Variants in ZNF114 observed in about 807,000 individuals in gnomAD.
ZNF114 encodes zinc finger protein 114, also known as zinc finger protein 114 (Y18).
ZNF114 carries 8 observed loss-of-function variants against 6.8 expected under a neutral mutation model. The ratio of observed to expected loss-of-function variants is 1.18; its 90% CI spans 0.69 to 2.13. The LOEUF is 2.13. Ranked by LOEUF, ZNF114 falls within the 30% of genes most tolerant of loss-of-function variation. The pLI is 0.00. For synonymous variants in ZNF114, 169 were observed against 185.5 expected, an observed-to-expected ratio of 0.91 and a Z score of 0.72; for missense variants, 472 against 519.5, an observed-to-expected ratio of 0.91 and a Z score of 0.89.
intron 3 of ZNF114, among the ~76,000 whole-genome samples, chr19:48,275,158 G>A (rs956661677): frequency 6.9e-6 from 1 of 143,944 alleles, no homozygotes; most frequent in African/African-American, 2.6e-5. Flanking sequence ...GAAAGAAAGA[G>A]AGAAAGAGAG....
chr19:48,272,169 C>G (rs8106084), intron 3 of ZNF114, among the ~76,000 whole-genome samples: 114,548 of 152,028 alleles, frequency 0.75, 43,364 homozygotes, highest in Middle Eastern at 0.8. Context: ...CCAGCATTTT[C>G]GAAGGCCGAG....
In ZNF114 at chr19:48,271,249, G is replaced by C. The variant is rs1366199187; in HGVS notation, c.-372G>C. On this transcript the variant is annotated 5_prime_UTR_variant, in exon 2 of 6. Coordinates refer to ENST00000595607, the MANE Select transcript of ZNF114 (RefSeq NM_153608.4). ...TCTGTTTCCGCCCTTTTACAGTACT[G>C]AGGGGAAAAAAAAGCCTTCTTTCCT... 6.6e-6 allele frequency: 1 copy of C among 152,158 alleles called. No homozygotes were observed. Among genetic ancestry groups the C allele is most frequent in the Non-Finnish European group, 1.5e-5 (1 of 68,076 alleles). 9.4% of individuals were successfully genotyped at this position (152,158 alleles called of 1,614,324 possible). A position where few individuals can be genotyped will look rare whatever the true frequency, so the allele number is the denominator to read the frequency against.
chr19:48,280,898 G>GC (rs1967970431), intron 4 of ZNF114, among the ~76,000 whole-genome samples: 1 of 152,136 alleles, frequency 6.6e-6, no homozygotes, highest in South Asian at 2.1e-4. Flanking sequence ...TGTTATAACA[G>GC]CCTGAACAGG....
intron 4 of ZNF114, among the ~76,000 whole-genome samples, chr19:48,280,212 C>T (rs577489253): frequency 3.3e-5 from 5 of 151,912 alleles, no homozygotes; most frequent in East Asian, 3.9e-4. Context: ...GCAAGACCAC[C>T]GTCTCTATAA....
In ZNF114 at chr19:48,282,330, ACAGGACACCCCTCCGAGC is replaced by A. The variant is rs1568993701; in HGVS notation, c.10-38_10-21del. The A allele has an allele frequency of 1.9e-6, 3 of 1,609,386 alleles. No individual in the cohort carries two copies. The South Asian group carries it at 3.3e-5, about 18-fold the overall frequency. On this transcript the variant is annotated intron_variant, in intron 4 of 5. Transcript: ENST00000595607. The stretch of plus-strand genomic sequence containing the variant: ...AAAGGGGTCACAGTTCAAACTGATA[ACAGGACACCCCTCCGAGC>A]CAAACTGCATGTGTTATTTTAGGAC...
At chr19:48,273,757 C>CT (rs779316334) in intron 3 of ZNF114, among the ~76,000 whole-genome samples, 35,174 of 127,074 alleles carry the variant, frequency 0.28, 5,336 homozygotes, top group East Asian at 0.46. Context: ...TGGGGCTTTT[C>CT]TTTTTTTTTT....
chr19:48,286,316 G>T lies in ZNF114; in HGVS notation c.692G>T (p.Arg231Leu). The change falls in exon 6 of 6, where the codon CGT becomes CTT. Residue 231 changes from arginine (R) to leucine (L), a missense_variant. Arg to Leu is a moderately radical substitution (Grantham distance 102, BLOSUM62 -2). Coordinates refer to ENST00000595607, the MANE Select transcript of ZNF114 (RefSeq NM_153608.4). ...CGGAATCCATTTGGAAAAGCTTTCC[G>T]TGAAGACGGATCCCTTAGGGCACAC... ...HQRNPFGKAF[R>L]EDGSLRAHNT... 1 of 1,614,200 alleles carries T rather than the reference G, an allele frequency of 6.2e-7. No individual in the cohort carries two copies. The highest frequency in any genetic ancestry group is 8.5e-7 in the Non-Finnish European group (1 of 1,180,042).
At chr19:48,275,419 A>AACAC (rs58275965) in intron 3 of ZNF114, among the ~76,000 whole-genome samples, 6,542 of 133,068 alleles carry the variant, frequency 0.049, 169 homozygotes, top group African/African-American at 0.066. Flanking sequence ...TCTCTACTAA[A>AACAC]ACACACACAC....
intron 1 of ZNF114, 110 bp downstream of exon 1, chr19:48,270,329 C>T (rs56039809): frequency 0.17 from 25,344 of 148,314 alleles, 2,455 homozygotes; most frequent in South Asian, 0.22. Context: ...TCGCTTGAGG[C>T]TGCAGTGAGC....
At position 48,286,864 on chromosome 19, in the gene ZNF114, A is replaced by G; in HGVS notation, c.1240A>G (p.Lys414Glu). 6.4e-7 allele frequency: 1 copy of G among 1,560,262 alleles called. No individual in the cohort carries two copies. The highest frequency in any genetic ancestry group is 8.6e-7 in the Non-Finnish European group (1 of 1,160,152). Reference protein sequence around the residue: ...KKHLKTHKDEKPCE With the variant: ...KKHLKTHKDEEPCE The stretch of plus-strand genomic sequence containing the variant: ...ACATCTTAAGACTCACAAAGATGAG[A>G]AGCCCTGTGAATGAAAGGAAGGTGG... The change falls in exon 6 of 6, where the codon AAG becomes GAG. Residue 414 changes from lysine (K) to glutamate (E), a missense_variant. Physicochemically the swap from Lys to Glu is moderately conservative, Grantham distance 56 (BLOSUM62 1). Transcript: ENST00000595607.
At position 48,283,921 on chromosome 19, in the gene ZNF114, A is replaced by G. The variant is rs565446679; in HGVS notation, c.136+1424A>G. On this transcript the variant is annotated intron_variant, in intron 5 of 5. Transcript: ENST00000595607. The stretch of plus-strand genomic sequence containing the variant: ...GCTAATTTTTGTATTTTTAGTAGAG[A>G]CGGGGTTTCACTGTGTTGGCCAGGC... Among the ~76,000 whole-genome samples the G allele has an allele frequency of 1.3e-3, 205 of 152,072 alleles. 3 individuals are homozygous for G. The highest frequency in any genetic ancestry group is 7.7e-4 in the East Asian group (4 of 5,170).
At position 48,270,928 on chromosome 19, in the gene ZNF114, G is replaced by T. The variant is rs548057578; in HGVS notation, c.-376-317G>T. The T allele has an allele frequency of 3.3e-5, 5 of 152,224 alleles. No individual in the cohort carries two copies. In the East Asian group the frequency reaches 9.7e-4, roughly 29 times the overall value. The allele number at this position is 152,224 out of a possible 1,614,324, so 9.4% of individuals were successfully genotyped here. Reference sequence around the variant, plus strand: ...AAAAACTTAGCCAGGGTGGTGGCGGGCGCCTGTAGTCCCAGCTACTCGGAG... The same window carrying T: ...AAAAACTTAGCCAGGGTGGTGGCGGTCGCCTGTAGTCCCAGCTACTCGGAG... On this transcript the variant is annotated intron_variant, in intron 1 of 5. Transcript: ENST00000595607.
intron 5 of ZNF114, among the ~76,000 whole-genome samples, chr19:48,283,601 G>A (rs1968046452): frequency 6.6e-6 from 1 of 152,188 alleles, no homozygotes; most frequent in South Asian, 2.1e-4. Flanking sequence ...CATGGTAACA[G>A]AGCAACAGGC....
chr19:48,281,179 A>T (rs1435812987), intron 4 of ZNF114, among the ~76,000 whole-genome samples: 1 of 151,892 alleles, frequency 6.6e-6, no homozygotes, highest in Non-Finnish European at 1.5e-5. Flanking sequence ...ACCGGACGTC[A>T]GTCTCTACCA....
chr19:48,273,959 G>C (rs886705635), intron 3 of ZNF114, among the ~76,000 whole-genome samples: 2 of 151,462 alleles, frequency 1.3e-5, no homozygotes, highest in Non-Finnish European at 2.9e-5. Flanking sequence ...GGGTTTCACC[G>C]TGTTAGCCGG....
Position 48,286,464 on chromosome 19 carries a change from A to C in ZNF114, c.840A>C (p.Gln280His), listed in dbSNP as rs189704585. The C allele has an allele frequency of 5.0e-5, 80 of 1,614,232 alleles. 1 individual carries two copies. In the East Asian group the frequency reaches 9.4e-4, roughly 19 times the overall value. ...YTAETNKKDC[Q>H]TGATSANAPN... ...CAGAGACAAACAAGAAGGATTGTCAAACTGGGGCAACCTCTGCCAACGCTC... is the reference window on the plus strand; with the variant it reads ...CAGAGACAAACAAGAAGGATTGTCACACTGGGGCAACCTCTGCCAACGCTC... The change falls in exon 6 of 6, where the codon CAA (glutamine) becomes CAC (histidine). Residue 280 changes from glutamine to histidine, a missense_variant. Physicochemically the swap from Gln to His is conservative, Grantham distance 24. Coordinates refer to ENST00000595607, the MANE Select transcript of ZNF114 (RefSeq NM_153608.4).
intron 4 of ZNF114, among the ~76,000 whole-genome samples, chr19:48,280,045 A>T (rs1504519): frequency 2.0e-5 from 3 of 151,938 alleles, no homozygotes; most frequent in Admixed American, 1.3e-4. Flanking sequence ...CCTGGCTGCC[A>T]GTGGGCTTCA....
At chr19:48,270,405 GA>G (rs910446680) in intron 1 of ZNF114, among the ~76,000 whole-genome samples, 186 bp downstream of exon 1, 1 of 55,094 alleles carries the variant, frequency 1.8e-5, no homozygotes, top group African/African-American at 6.7e-5. Context: ...AAAAAAAAAA[GA>G]AAAAAAGAAT....
intron 3 of ZNF114, among the ~76,000 whole-genome samples, chr19:48,275,981 CA>C (rs34451904): frequency 1.3e-3 from 162 of 121,482 alleles, no homozygotes; most frequent in Admixed American, 1.9e-3. Context: ...GACTCCATCT[CA>C]AAAAAAAAAA....
Sources: allele counts gnomAD v4.1 joint callset (sites outside exome capture counted in the v4.1 genomes callset), GRCh38; gene constraint gnomAD v4.1.1; transcripts MANE v1.5; gene names NCBI Gene and HGNC (gene_info 2026-07-23, HGNC 2026-07-21).